CNTNAP2: variants seen among roughly 807,000 people sequenced by gnomAD.
The protein encoded by CNTNAP2 is contactin associated protein 2.
CNTNAP2 carries 98 observed loss-of-function variants against 155.2 expected under a neutral mutation model. That is an observed-to-expected ratio of 0.63 (90% CI 0.54 to 0.75). The LOEUF (loss-of-function observed/expected upper bound fraction) is 0.75, where lower values mean the gene tolerates loss of function less well. CNTNAP2 is among the 30% of genes least tolerant of loss of function. The pLI is 0.00. For missense variants in CNTNAP2, 1,727 were observed against 1,688.1 expected (o/e 1.02, Z -0.40); for synonymous variants, 651 against 631.2 (o/e 1.03, Z -0.47).
chr7:146,453,974 A>C (rs535569877), intron 1 of CNTNAP2, among the ~76,000 whole-genome samples: 1 of 152,292 alleles, frequency 6.6e-6, no homozygotes, highest in East Asian at 1.9e-4. Context: ...TGAGGAGTGA[A>C]AAATTTCCAA....
rs1163823215 is a variant in CNTNAP2, at chr7:148,218,931, T to C, written c.3247+1407T>C. On this transcript the variant is annotated intron_variant, in intron 19 of 23. Coordinates refer to ENST00000361727, the MANE Select transcript of CNTNAP2 (RefSeq NM_014141.6). ...ACTCATATACCTTAGAATTCTAAGA[T>C]CACTCTTTTTTTTTTTTTTTTTTTT... Among the ~76,000 whole-genome samples the C allele has an allele frequency of 1.4e-5, 2 of 139,954 alleles. 1 individual carries two copies. The highest frequency in any genetic ancestry group is 3.1e-5 in the Non-Finnish European group (2 of 65,144). 91.8% of individuals were successfully genotyped at this position (139,954 alleles called of 152,430 possible). A position where few individuals can be genotyped will look rare whatever the true frequency, so the allele number is the denominator to read the frequency against.
chr7:148,145,195 G>T (rs1322250653), intron 16 of CNTNAP2, among the ~76,000 whole-genome samples: 1 of 152,164 alleles, frequency 6.6e-6, no homozygotes, highest in African/African-American at 2.4e-5. Flanking sequence ...TGCTCGTGGG[G>T]TCCTTTGGCC....
rs1249812759 is a variant in CNTNAP2 at position 148,418,837 on chromosome 7, A to G, written c.*3221A>G. ...AATGTCCTACTGCCCTGCATTTGAC[A>G]AACAAGCATCCTTTACTAACAAGAG... is the stretch of plus-strand genomic sequence containing the variant. On this transcript the variant is annotated 3_prime_UTR_variant, in exon 24 of 24. Transcript: ENST00000361727. The G allele has an allele frequency of 6.6e-6, 1 of 152,274 alleles. No individual in the cohort carries two copies. Among genetic ancestry groups the G allele is most frequent in the Non-Finnish European group, 1.5e-5 (1 of 68,058 alleles). 9.4% of individuals were successfully genotyped at this position (152,274 alleles called of 1,614,324 possible).
At chr7:146,881,308 T>C (rs1047253426) in intron 3 of CNTNAP2, among the ~76,000 whole-genome samples, 7 of 152,160 alleles carry the variant, frequency 4.6e-5, no homozygotes, top group African/African-American at 1.7e-4. Context: ...AAAAGCAGGT[T>C]ATAGAATTGG....
At chr7:147,253,232 A>G (rs1804241330) in intron 8 of CNTNAP2, among the ~76,000 whole-genome samples, 1 of 152,098 alleles carries the variant, frequency 6.6e-6, no homozygotes, top group South Asian at 2.1e-4. Context: ...ATTGGAGCAT[A>G]GGCACTGTGA....
At chr7:146,529,243 T>G (rs144106675) in intron 1 of CNTNAP2, among the ~76,000 whole-genome samples, 15 of 152,302 alleles carry the variant, frequency 9.8e-5, no homozygotes, top group African/African-American at 3.4e-4. Context: ...TTCAATTTTT[T>G]TGTATGTTAA....
intron 1 of CNTNAP2, among the ~76,000 whole-genome samples, chr7:146,370,424 C>A (rs192503670): frequency 1.3e-5 from 2 of 150,958 alleles, no homozygotes; most frequent in African/African-American, 2.4e-5. Flanking sequence ...GGGGACAGAG[C>A]GAGACTCCTT....
intron 1 of CNTNAP2, among the ~76,000 whole-genome samples, chr7:146,596,940 C>T (rs1029466793): frequency 1.3e-5 from 2 of 151,998 alleles, no homozygotes; most frequent in Non-Finnish European, 2.9e-5. Context: ...CTATTATTTT[C>T]ATCCCCACTG....
chr7:148,106,524 AT>A lies in CNTNAP2; in HGVS notation c.2384-11585del, dbSNP rs1225983915. 4.3e-3 allele frequency among the ~76,000 whole-genome samples: 616 copies of A among 142,180 alleles called. 5 individuals carry two copies. The highest frequency in any genetic ancestry group is 0.015 in the African/African-American group (584 of 38,284). 93.3% of individuals were successfully genotyped at this position (142,180 alleles called of 152,430 possible). A position where few individuals can be genotyped will look rare whatever the true frequency, so the allele number is the denominator to read the frequency against. ...TATATATATATATATATATATACAT[AT>A]TTTTTTTTCCTAATAAATAGAGACG... On this transcript the variant is annotated intron_variant, in intron 15 of 23. Transcript: ENST00000361727.
chr7:146,738,194 T>A (rs1267338692), intron 1 of CNTNAP2, among the ~76,000 whole-genome samples: 1 of 152,036 alleles, frequency 6.6e-6, no homozygotes, highest in African/African-American at 2.4e-5. Flanking sequence ...CTCATTTTGA[T>A]AATAGCCATT....
intron 15 of CNTNAP2, among the ~76,000 whole-genome samples, chr7:148,107,590 C>T (rs1355527988): frequency 2.6e-5 from 4 of 152,070 alleles, no homozygotes; most frequent in Admixed American, 2.0e-4. Context: ...TCTTACCTAA[C>T]CTGAATGTAC....
chr7:147,043,596 A>ATACAT (rs1305334810), intron 3 of CNTNAP2, among the ~76,000 whole-genome samples: 1 of 152,246 alleles, frequency 6.6e-6, no homozygotes, highest in African/African-American at 2.4e-5. Flanking sequence ...TATTGTATAA[A>ATACAT]TTAAATGCAA....
chr7:146,361,246 A>G (rs1270353215), intron 1 of CNTNAP2, among the ~76,000 whole-genome samples: 1 of 152,156 alleles, frequency 6.6e-6, no homozygotes, highest in Non-Finnish European at 1.5e-5. Context: ...CCATTTGGAA[A>G]TACAATCTTC....
chr7:147,345,580 C>A lies in CNTNAP2; in HGVS notation c.1498+45290C>A, dbSNP rs112906724. On this transcript the variant is annotated intron_variant, in intron 9 of 23. Transcript: ENST00000361727. ...ACATACAGAAGTTTTCTCCCAACTG[C>A]AAGACTTTATTTTGCTGGGTTAAAA... is the stretch of plus-strand genomic sequence containing the variant. 2.0e-3 allele frequency among the ~76,000 whole-genome samples: 302 copies of A among 152,234 alleles called. 3 individuals carry two copies. Among genetic ancestry groups the A allele is most frequent in the African/African-American group, 7.0e-3 (290 of 41,544 alleles).
intron 4 of CNTNAP2, among the ~76,000 whole-genome samples, chr7:147,075,249 G>C (rs1483266287): frequency 6.6e-6 from 1 of 152,158 alleles, no homozygotes; most frequent in Non-Finnish European, 1.5e-5. Context: ...TGCACATCTA[G>C]TTGAAATTAC....
intron 13 of CNTNAP2, among the ~76,000 whole-genome samples, chr7:147,869,334 T>G (rs1009582143): frequency 2.0e-5 from 3 of 152,184 alleles, no homozygotes; most frequent in African/African-American, 7.2e-5. Context: ...TGATAGTGTA[T>G]AGTTTGATCA....
chr7:146,648,820 T>G (rs1799858485), intron 1 of CNTNAP2, among the ~76,000 whole-genome samples: 1 of 152,044 alleles, frequency 6.6e-6, no homozygotes, highest in Non-Finnish European at 1.5e-5. Context: ...AATGATAAAA[T>G]TATTATTAAA....
In CNTNAP2 at chr7:146,483,282, A is replaced by AAAAAAT. The variant is rs1178407767; in HGVS notation, c.98-290988_98-290987insAAAATA. ...CAGAGCAAGACTCCGTCTAAAAAAA[A>AAAAAAT]ATATATATATATATATATATATATA... On this transcript the variant is annotated intron_variant, in intron 1 of 23. Coordinates refer to ENST00000361727, the MANE Select transcript of CNTNAP2 (RefSeq NM_014141.6). Among the ~76,000 whole-genome samples the AAAAAAT allele has an allele frequency of 3.5e-3, 139 of 39,850 alleles. 1 individual carries two copies. The highest frequency in any genetic ancestry group is 0.013 in the Middle Eastern group (1 of 80). The allele number at this position is 39,850 out of a possible 152,430, so 26.1% of individuals were successfully genotyped here. A position where few individuals can be genotyped will look rare whatever the true frequency, so the allele number is the denominator to read the frequency against.
intron 20 of CNTNAP2, among the ~76,000 whole-genome samples, chr7:148,242,980 AC>A (rs1003635635): frequency 1.3e-5 from 2 of 151,926 alleles, no homozygotes; most frequent in Admixed American, 1.3e-4. Flanking sequence ...GGGGCAACAA[AC>A]CCCCCCTTTG....
Sources: allele counts gnomAD v4.1 joint callset (sites outside exome capture counted in the v4.1 genomes callset), GRCh38; gene constraint gnomAD v4.1.1; transcripts MANE v1.5; gene names NCBI Gene and HGNC (gene_info 2026-07-23, HGNC 2026-07-21).